Variants in TNFAIP8L3 observed in about 807,000 individuals in gnomAD.
TNFAIP8L3 encodes tumor necrosis factor alpha-induced protein 8-like protein 3.
Under a neutral mutation model 11.8 loss-of-function variants are expected in TNFAIP8L3, and 7 were observed. That is an observed-to-expected ratio of 0.59 (90% CI 0.34 to 1.11). TNFAIP8L3 has a LOEUF of 1.11. Among genes scored for constraint, TNFAIP8L3 ranks in the 50% most tolerant of loss-of-function variants. The probability of loss-of-function intolerance (pLI) is 0.03; values close to 1 mark genes in which losing one functional copy is unlikely to be tolerated. For missense variants in TNFAIP8L3, 219 were observed against 258.6 expected, an observed-to-expected ratio of 0.85 and a Z score of 1.05; for synonymous variants, 98 against 103.8, an observed-to-expected ratio of 0.94 and a Z score of 0.34.
intron 1 of TNFAIP8L3, among the ~76,000 whole-genome samples, chr15:51,060,334 A>G (rs1180391999): frequency 6.6e-6 from 1 of 152,254 alleles, no homozygotes; most frequent in Non-Finnish European, 1.5e-5. Context: ...TGAAGCTTAA[A>G]GACTTTTGAG....
chr15:51,070,491 T>C (rs754443886), intron 1 of TNFAIP8L3, among the ~76,000 whole-genome samples: 1 of 152,206 alleles, frequency 6.6e-6, no homozygotes, highest in Non-Finnish European at 1.5e-5. Context: ...TAGGCACTAA[T>C]GTCAGCGATA....
At chr15:51,059,443 AC>A (rs140467090) in intron 1 of TNFAIP8L3, among the ~76,000 whole-genome samples, 1,716 of 152,388 alleles carry the variant, frequency 0.011, 40 homozygotes, top group African/African-American at 0.04. Flanking sequence ...ATGGCATCTT[AC>A]AATTGATGGT....
At chr15:51,064,899 G>C (rs2065260712) in intron 1 of TNFAIP8L3, 1 of 152,256 alleles carries the variant, frequency 6.6e-6, no homozygotes. Context: ...GGCCTAACTA[G>C]TGGACCGTGT....
At position 51,086,895 on chromosome 15, in the gene TNFAIP8L3, T is replaced by TA. The variant is rs571630511; in HGVS notation, c.52+7648_52+7649insT. ...TCTCATCTTGTTTTGCTACAACTTC[T>TA]TTTTTTTTTTTTGGAGTCAGAGTCT... On this transcript the variant is annotated intron_variant, in intron 1 of 1. Transcript: ENST00000637513. Among the ~76,000 whole-genome samples the TA allele has an allele frequency of 1.2e-3, 137 of 111,048 alleles. 1 individual carries two copies. Among genetic ancestry groups the TA allele is most frequent in the Admixed American group, 3.9e-3 (49 of 12,424 alleles). The allele number at this position is 111,048 out of a possible 152,430, so 72.9% of individuals were successfully genotyped here. A position where few individuals can be genotyped will look rare whatever the true frequency, so the allele number is the denominator to read the frequency against.
At chr15:51,086,428 G>C (rs1442122430) in intron 1 of TNFAIP8L3, among the ~76,000 whole-genome samples, 1 of 152,232 alleles carries the variant, frequency 6.6e-6, no homozygotes, top group Non-Finnish European at 1.5e-5. Context: ...GCTTAAAGCA[G>C]GCCTTTGTGG....
At chr15:51,078,118 G>A (rs903151195) in intron 1 of TNFAIP8L3, among the ~76,000 whole-genome samples, 1 of 152,146 alleles carries the variant, frequency 6.6e-6, no homozygotes, top group Admixed American at 6.5e-5. Flanking sequence ...AGCCCCGGAA[G>A]AGGCCTGAGG....
At chr15:51,070,491 T>A (rs754443886) in intron 1 of TNFAIP8L3, among the ~76,000 whole-genome samples, 3 of 152,206 alleles carry the variant, frequency 2.0e-5, no homozygotes, top group Non-Finnish European at 4.4e-5. Flanking sequence ...TAGGCACTAA[T>A]GTCAGCGATA....
Position 51,084,853 on chromosome 15 carries a change from G to A in TNFAIP8L3, c.52+9691C>T, listed in dbSNP as rs918774112. 4.6e-5 allele frequency among the ~76,000 whole-genome samples: 7 copies of A among 152,084 alleles called. No homozygotes were observed. In the East Asian group the frequency reaches 1.3e-3, roughly 29 times the overall value. ...TACAGCTATTGTTATAAGAATGGATGGTCTTTTCTAATAAAGTATTTTGTC... is the reference window on the plus strand; with the variant it reads ...TACAGCTATTGTTATAAGAATGGATAGTCTTTTCTAATAAAGTATTTTGTC... On this transcript the variant is annotated intron_variant, in intron 1 of 1. Transcript: ENST00000637513.
rs1020737700 is a variant in TNFAIP8L3 at position 51,093,839 on chromosome 15, AT to A, written c.52+704del. ...CAGGGAGAGGCGGGGGAGGACATTC[AT>A]TTTTTTTCTTCCCTAAGTAAGCATC... On this transcript the variant is annotated intron_variant, in intron 1 of 1. Coordinates refer to ENST00000637513, the MANE Select transcript of TNFAIP8L3 (RefSeq NM_001311175.2). Among the ~76,000 whole-genome samples the A allele has an allele frequency of 4.0e-5, 6 of 151,556 alleles. No individual in the cohort carries two copies. In the South Asian group the frequency reaches 1.3e-3, roughly 32 times the overall value.
chr15:51,060,052 A>T (rs1124769), intron 1 of TNFAIP8L3, among the ~76,000 whole-genome samples: 1 of 152,174 alleles, frequency 6.6e-6, no homozygotes, highest in Non-Finnish European at 1.5e-5. Context: ...TAAGAGGAAT[A>T]AACACTCATT....
intron 1 of TNFAIP8L3, among the ~76,000 whole-genome samples, chr15:51,083,970 T>G (rs1230309556): frequency 1.3e-5 from 2 of 152,252 alleles, no homozygotes; most frequent in East Asian, 3.8e-4. Context: ...ACTTGGCTAT[T>G]GTTTATAAAA....
chr15:51,097,615 C>T (rs1239469348), upstream of TNFAIP8L3, among the ~76,000 whole-genome samples: 1 of 152,152 alleles, frequency 6.6e-6, no homozygotes, highest in Non-Finnish European at 1.5e-5. Context: ...TTCCAATTTC[C>T]TATGATGTAC....
chr15:51,078,482 C>T (rs1301012881), intron 1 of TNFAIP8L3, among the ~76,000 whole-genome samples: 4 of 152,026 alleles, frequency 2.6e-5, no homozygotes, highest in Non-Finnish European at 4.4e-5. Context: ...AGGCCTCCTC[C>T]TCCTCTGTCT....
At chr15:51,095,391 C>G (rs149463881), upstream of TNFAIP8L3, among the ~76,000 whole-genome samples, 1,610 of 152,148 alleles carry the variant, frequency 0.011, 14 homozygotes, top group Middle Eastern at 0.027. Context: ...AACACACAGG[C>G]AGGTAATGCT....
At chr15:51,058,820 T>C (rs1030712286) in intron 1 of TNFAIP8L3, among the ~76,000 whole-genome samples, 1 of 152,238 alleles carries the variant, frequency 6.6e-6, no homozygotes, top group Non-Finnish European at 1.5e-5. Context: ...CTTTGCAAAC[T>C]ATACAGGAGC....
Position 51,058,417 on chromosome 15 carries a change from G to A in TNFAIP8L3, c.79C>T (p.Leu27Phe). Residue 27 changes from leucine to phenylalanine, a missense_variant, in exon 2 of 2, where the codon CTT (leucine) becomes TTT (phenylalanine). By Grantham distance (22) the Leu-to-Phe change is conservative. Coordinates refer to ENST00000637513, the MANE Select transcript of TNFAIP8L3 (RefSeq NM_001311175.2). ...ATCTTCTTCTGGGCTTGAAGCGCAA[G>A]ACTCTTTGAACTAAAAACATCAGGA... ...AGPDVFSSKS[L>F]ALQAQKKILS... The A allele has an allele frequency of 1.2e-6, 2 of 1,601,436 alleles. No individual in the cohort carries two copies. The highest frequency in any genetic ancestry group is 1.7e-6 in the Non-Finnish European group (2 of 1,176,298).
chr15:51,086,986 T>C (rs150039418), intron 1 of TNFAIP8L3, among the ~76,000 whole-genome samples: 2,619 of 152,032 alleles, frequency 0.017, 95 homozygotes, highest in African/African-American at 0.06. Flanking sequence ...CCTCCCGAGT[T>C]CAAGCAATTC....
chr15:51,078,587 A>G (rs186017494), intron 1 of TNFAIP8L3, among the ~76,000 whole-genome samples: 4 of 151,796 alleles, frequency 2.6e-5, no homozygotes, highest in Admixed American at 1.3e-4. Flanking sequence ...TGTCCCATGG[A>G]CTGACCCCTG....
intron 1 of TNFAIP8L3, among the ~76,000 whole-genome samples, chr15:51,070,497 C>T (rs569236991): frequency 6.6e-6 from 1 of 152,262 alleles, no homozygotes; most frequent in Admixed American, 6.5e-5. Context: ...CTAATGTCAG[C>T]GATAGCAATG....
Sources: gnomAD v4.1 joint callset for allele counts (sites outside exome capture counted in the v4.1 genomes callset) on GRCh38, gnomAD v4.1.1 for gene constraint, MANE v1.5 for transcripts, NCBI Gene and HGNC (gene_info 2026-07-23, HGNC 2026-07-21) for gene names.